CDC42: variants seen among roughly 807,000 people sequenced by gnomAD.
The protein encoded by CDC42 is cell division control protein 42 homolog.
A neutral mutation model predicts 20.8 loss-of-function variants in CDC42; 1 was observed. The ratio of observed to expected loss-of-function variants is 0.05; its 90% CI spans 0.02 to 0.23. The LOEUF (loss-of-function observed/expected upper bound fraction) is 0.23. CDC42 is among the 10% of genes least tolerant of loss of function. The pLI is 1.00. For missense variants in CDC42, 49 were observed against 227.9 expected, an observed-to-expected ratio of 0.21 and a Z score of 5.05; for synonymous variants, 72 against 84.8, an observed-to-expected ratio of 0.85 and a Z score of 0.83.
chr1:22,069,164 T>G (rs916019439), intron 1 of CDC42, among the ~76,000 whole-genome samples: 4 of 136,674 alleles, frequency 2.9e-5, no homozygotes, highest in Non-Finnish European at 4.6e-5. Context: ...AATCTCCATT[T>G]TATTCCTTTT....
intron 1 of CDC42, chr1:22,053,310 T>C (rs1051455133): frequency 6.6e-6 from 1 of 151,058 alleles, no homozygotes; most frequent in African/African-American, 2.4e-5. Context: ...GGCGGGGCGG[T>C]GGCAGGAGGG....
At chr1:22,072,129 G>C (rs530907910) in intron 1 of CDC42, among the ~76,000 whole-genome samples, 1 of 115,312 alleles carries the variant, frequency 8.7e-6, no homozygotes, top group East Asian at 2.6e-4. Context: ...ATGGAGTCTC[G>C]CTCTGTTGCC....
intron 1 of CDC42, among the ~76,000 whole-genome samples, chr1:22,060,545 G>T (rs1379519909): frequency 6.6e-6 from 1 of 152,112 alleles, no homozygotes; most frequent in Non-Finnish European, 1.5e-5. Flanking sequence ...TTCAGCTATG[G>T]TTCATTTGCT....
At position 22,099,279 on chromosome 1, in the gene CDC42, T is replaced by C. The variant is rs1205680110; in HGVS notation, c.*7762T>C. Among the ~76,000 whole-genome samples, 2 of 152,248 alleles carry C rather than the reference T, an allele frequency of 1.3e-5. No homozygotes were observed. Among genetic ancestry groups the C allele is most frequent in the Admixed American group, 6.5e-5 (1 of 15,290 alleles). On this transcript the variant is annotated 3_prime_UTR_variant, in exon 6 of 6. Coordinates refer to ENST00000656825, the MANE Select transcript of CDC42 (RefSeq NM_001791.4). Reference sequence around the variant, plus strand: ...GAATCATAAAAGAAATGGGGACATATTCTGGCGAAATAACAGCTTTGTTAA... The same window carrying C: ...GAATCATAAAAGAAATGGGGACATACTCTGGCGAAATAACAGCTTTGTTAA...
intron 2 of CDC42, chr1:22,079,029 T>C (rs1645580508): frequency 5.9e-6 from 2 of 339,936 alleles, no homozygotes; most frequent in South Asian, 2.8e-5. Flanking sequence ...TTAGCAGTAA[T>C]GGAGCTCCAA....
intron 3 of CDC42, among the ~76,000 whole-genome samples, chr1:22,085,479 T>C (rs148157706): frequency 1.3e-5 from 2 of 152,296 alleles, no homozygotes; most frequent in East Asian, 1.9e-4. Context: ...TTGATAGGGA[T>C]TGCATTGAGT....
intron 3 of CDC42, among the ~76,000 whole-genome samples, chr1:22,084,344 T>A (rs1175825523): frequency 1.6e-5 from 2 of 126,258 alleles, no homozygotes; most frequent in East Asian, 4.2e-4. Flanking sequence ...TGTTTTTTTT[T>A]TTTTTTTTTT....
intron 3 of CDC42, among the ~76,000 whole-genome samples, chr1:22,084,353 T>A (rs1356818461): frequency 1.4e-5 from 2 of 142,708 alleles, no homozygotes; most frequent in African/African-American, 2.6e-5. Flanking sequence ...TTTTTTTTTT[T>A]TTTTTTTAAT....
rs1645777320 is a variant in CDC42 at position 22,099,648 on chromosome 1, G to A, written c.*8131G>A. Among the ~76,000 whole-genome samples, 1 of 152,184 alleles carries A rather than the reference G, an allele frequency of 6.6e-6. No individual in the cohort carries two copies. Among genetic ancestry groups the A allele is most frequent in the Non-Finnish European group, 1.5e-5 (1 of 68,042 alleles). ...AGGTTTGTTGGGTAGGAGCTTTTTG[G>A]GGGAGGTGACTTTAGGATCAGTTGT... is the stretch of plus-strand genomic sequence containing the variant. On this transcript the variant is annotated 3_prime_UTR_variant, in exon 6 of 6. Transcript: ENST00000656825.
rs1557908958 is a variant in CDC42, at chr1:22,091,416, AC to A, written c.487-8del. On this transcript the variant is annotated splice_polypyrimidine_tract_variant and intron_variant, in intron 5 of 5. Coordinates refer to ENST00000656825, the MANE Select transcript of CDC42 (RefSeq NM_001791.4). Reference sequence around the variant, plus strand: ...ATCAGACCGCCCATTTTTTCTTTCTACCCCTTTTCAGAAAGGCCTAAAGAAT... The same window carrying A: ...ATCAGACCGCCCATTTTTTCTTTCTACCCTTTTCAGAAAGGCCTAAAGAAT... 5 of 1,580,496 alleles carry A rather than the reference AC, an allele frequency of 3.2e-6. No individual in the cohort carries two copies. The highest frequency in any genetic ancestry group is 4.3e-6 in the Non-Finnish European group (5 of 1,155,746).
At chr1:22,054,059 C>G (rs1439128703) in intron 1 of CDC42, among the ~76,000 whole-genome samples, 1 of 152,090 alleles carries the variant, frequency 6.6e-6, no homozygotes, top group Non-Finnish European at 1.5e-5. Flanking sequence ...TTCAAGTGCA[C>G]TTTTTGTGGT....
At position 22,095,579 on chromosome 1, in the gene CDC42, C is replaced by A. The variant is rs1645752319; in HGVS notation, c.*4062C>A. Among the ~76,000 whole-genome samples the A allele has an allele frequency of 6.6e-6, 1 of 152,160 alleles. No homozygotes were observed. The highest frequency in any genetic ancestry group is 2.4e-5 in the African/African-American group (1 of 41,436). The stretch of plus-strand genomic sequence containing the variant: ...CCACCGCGCCTGGCCAGAATGAATA[C>A]TTTTAATTACTACTATGAGTCTTTT... On this transcript the variant is annotated 3_prime_UTR_variant, in exon 6 of 6. Transcript: ENST00000656825.
chr1:22,086,643 G>C (rs1222752725), intron 4 of CDC42, 26 bp from the exon 5 acceptor site: 1 of 1,604,650 alleles, frequency 6.2e-7, no homozygotes, highest in Non-Finnish European at 8.5e-7. Flanking sequence ...ATTAACAAAG[G>C]TGTATTTTAA....
chr1:22,091,383 T>C, intron 5 of CDC42, 45 bp from the exon 6 acceptor site: 6 of 1,223,412 alleles, frequency 4.9e-6, no homozygotes, highest in Non-Finnish European at 7.2e-6. Context: ...AACTTTATTA[T>C]ACTGAAAATC....
chr1:22,084,516 AT>A (rs1236348528), intron 3 of CDC42, among the ~76,000 whole-genome samples: 7 of 150,830 alleles, frequency 4.6e-5, no homozygotes, highest in African/African-American at 9.7e-5. Context: ...TTGAATTGGG[AT>A]TTTTTTTTTG....
At chr1:22,062,183 G>A (rs1645373500) in intron 1 of CDC42, among the ~76,000 whole-genome samples, 1 of 151,418 alleles carries the variant, frequency 6.6e-6, no homozygotes, top group Non-Finnish European at 1.5e-5. Flanking sequence ...TGATGTGCCT[G>A]CCTTGGCCTC....
intron 1 of CDC42, among the ~76,000 whole-genome samples, chr1:22,055,060 TCTC>T (rs1421285093): frequency 6.9e-6 from 1 of 144,852 alleles, no homozygotes; most frequent in Non-Finnish European, 1.5e-5. Flanking sequence ...TTCACACCAT[TCTC>T]CTGCCTCAGC....
chr1:22,064,452 C>T (rs1645399927), intron 1 of CDC42, among the ~76,000 whole-genome samples: 1 of 151,566 alleles, frequency 6.6e-6, no homozygotes, highest in Non-Finnish European at 1.5e-5. Flanking sequence ...ATCATCGTGC[C>T]TGCTAATTTT....
Position 22,078,485 on chromosome 1 carries a change from A to T in CDC42, c.7A>T (p.Thr3Ser). The change falls in exon 2 of 6, where the codon ACA becomes TCA. Residue 3 changes from threonine to serine, a missense_variant. Physicochemically the swap from Thr to Ser is moderately conservative, Grantham distance 58. Around this residue, in one of 2 missense-constraint regions of CDC42, gnomAD observed 11 missense variants for 121.3 expected, o/e 0.09. Transcript: ENST00000656825. Reference sequence around the variant, plus strand: ...ATACAAAACTATTTCAGCAATGCAGACAATTAAGTGTGTTGTTGTGGGCGA... The same window carrying T: ...ATACAAAACTATTTCAGCAATGCAGTCAATTAAGTGTGTTGTTGTGGGCGA... MQ[T>S]IKCVVVGDGA... 6.2e-7 allele frequency: 1 copy of T among 1,607,432 alleles called. No homozygotes were observed. Among genetic ancestry groups the T allele is most frequent in the Non-Finnish European group, 8.5e-7 (1 of 1,176,924 alleles).
Sources: allele counts gnomAD v4.1 joint callset (sites outside exome capture counted in the v4.1 genomes callset), GRCh38; gene constraint gnomAD v4.1.1; regional missense constraint gnomAD v4.1.1; transcripts MANE v1.5; gene names NCBI Gene and HGNC (gene_info 2026-07-23, HGNC 2026-07-21).